ELAPOR1: variants seen among roughly 807,000 people sequenced by gnomAD.
ELAPOR1 encodes endosome-lysosome associated apoptosis and autophagy regulator 1, also known as endosome/lysosome-associated apoptosis and autophagy regulator 1.
ELAPOR1 carries 77 observed loss-of-function variants against 119.7 expected under a neutral mutation model. The ratio of observed to expected loss-of-function variants is 0.64; its 90% CI spans 0.54 to 0.78. ELAPOR1 has a LOEUF of 0.78. Ranked by LOEUF, ELAPOR1 falls within the 30% of genes least tolerant of loss-of-function variation. The pLI, the probability that ELAPOR1 is intolerant of heterozygous loss-of-function variation, is 0.00. For synonymous variants in ELAPOR1, 481 were observed against 487.2 expected (o/e 0.99, Z 0.17); for missense variants, 1,115 against 1,270.4 (o/e 0.88, Z 1.86).
chr1:109,138,672 A>G (rs752419910), intron 1 of ELAPOR1, among the ~76,000 whole-genome samples: 2 of 151,716 alleles, frequency 1.3e-5, no homozygotes, highest in African/African-American at 4.8e-5. Context: ...GAGAAACCCA[A>G]TGACGGTGTC....
intron 7 of ELAPOR1, among the ~76,000 whole-genome samples, chr1:109,176,520 A>G (rs1652293568): frequency 6.6e-6 from 1 of 152,052 alleles, no homozygotes; most frequent in Non-Finnish European, 1.5e-5. Flanking sequence ...GACCTTGTGA[A>G]TTGCTTGTTT....
intron 1 of ELAPOR1, among the ~76,000 whole-genome samples, chr1:109,131,634 G>A (rs1333418333): frequency 6.6e-6 from 1 of 152,126 alleles, no homozygotes; most frequent in Non-Finnish European, 1.5e-5. Flanking sequence ...GTTAGTGAGG[G>A]AAAGGGAATA....
At chr1:109,132,970 C>G (rs1328890406) in intron 1 of ELAPOR1, among the ~76,000 whole-genome samples, 1 of 152,158 alleles carries the variant, frequency 6.6e-6, no homozygotes, top group African/African-American at 2.4e-5. Context: ...TGGTTCATGC[C>G]TGTAATCCCA....
Position 109,200,173 on chromosome 1 carries a change from G to A in ELAPOR1, c.2743G>A (p.Ala915Thr). 6.2e-7 allele frequency: 1 copy of A among 1,614,212 alleles called. No homozygotes were observed. The highest frequency in any genetic ancestry group is 8.5e-7 in the Non-Finnish European group (1 of 1,180,036). The change falls in exon 20 of 22, where the codon GCA becomes ACA. Residue 915 changes from alanine to threonine, a missense_variant. Physicochemically the swap from Ala to Thr is moderately conservative, Grantham distance 58. Coordinates refer to ENST00000369939, the MANE Select transcript of ELAPOR1 (RefSeq NM_020775.5). ...IDFWLKVGIS[A>T]GTCTAILLTV... Reference sequence around the variant, plus strand: ...TTTCTGGCTGAAAGTGGGCATCTCTGCAGGCACCTGTACTGCCATCCTGCT... The same window carrying A: ...TTTCTGGCTGAAAGTGGGCATCTCTACAGGCACCTGTACTGCCATCCTGCT...
At chr1:109,157,564 A>T (rs1302817150) in intron 1 of ELAPOR1, among the ~76,000 whole-genome samples, 4 of 152,154 alleles carry the variant, frequency 2.6e-5, no homozygotes, top group African/African-American at 9.7e-5. Context: ...AACCTTATGA[A>T]TAGCCTGCAT....
At chr1:109,183,110 A>G (rs968734872) in intron 7 of ELAPOR1, among the ~76,000 whole-genome samples, 7 of 152,170 alleles carry the variant, frequency 4.6e-5, no homozygotes, top group African/African-American at 1.7e-4. Flanking sequence ...TGAATTACGC[A>G]TATTTTTCTA....
intron 1 of ELAPOR1, among the ~76,000 whole-genome samples, chr1:109,141,284 T>C (rs1372997831): frequency 6.6e-6 from 1 of 151,992 alleles, no homozygotes; most frequent in Non-Finnish European, 1.5e-5. Flanking sequence ...TTTTTGAGAC[T>C]GTGTCTCACT....
chr1:109,158,528 G>A, intron 1 of ELAPOR1, among the ~76,000 whole-genome samples: 1 of 152,074 alleles, frequency 6.6e-6, no homozygotes, highest in East Asian at 1.9e-4. Flanking sequence ...GCTACGGAAG[G>A]ATGCGCTAAC....
intron 8 of ELAPOR1, chr1:109,186,516 T>C (rs1653053761): frequency 2.0e-6 from 2 of 985,258 alleles, no homozygotes; most frequent in Admixed American, 1.2e-4. Context: ...TTTTGCACAG[T>C]CATCTCTTAC....
chr1:109,176,588 G>A (rs929391195), intron 7 of ELAPOR1, among the ~76,000 whole-genome samples: 4 of 149,912 alleles, frequency 2.7e-5, no homozygotes, highest in Non-Finnish European at 4.4e-5. Flanking sequence ...CCAAATGAGT[G>A]CAGTTTTCTT....
chr1:109,142,432 G>C (rs1381802028), intron 1 of ELAPOR1, among the ~76,000 whole-genome samples: 1 of 152,204 alleles, frequency 6.6e-6, no homozygotes, highest in Admixed American at 6.5e-5. Flanking sequence ...AGTGTTTGCT[G>C]AATTCCATGG....
At chr1:109,141,507 C>T (rs781242917) in intron 1 of ELAPOR1, among the ~76,000 whole-genome samples, 6 of 150,432 alleles carry the variant, frequency 4.0e-5, no homozygotes, top group Non-Finnish European at 8.9e-5. Flanking sequence ...GTGATCTGCC[C>T]GCCTCAGCCT....
At position 109,173,609 on chromosome 1, in the gene ELAPOR1, G is replaced by T. The variant is rs202058878; in HGVS notation, c.802+30G>T. ...TGAGAGCAGGGTTACTGACTTCCTG[G>T]GCTGTTGACTTTGCAGTCTCCTGGG... On this transcript the variant is annotated intron_variant, in intron 6 of 21. Transcript: ENST00000369939. The T allele has an allele frequency of 3.7e-6, 6 of 1,613,224 alleles. No homozygotes were observed. The Admixed American group carries it at 6.7e-5, about 18-fold the overall frequency.
At position 109,200,891 on chromosome 1, in the gene ELAPOR1, T is replaced by C. The variant is rs767217425; in HGVS notation, c.2964T>C (p.Phe988=). The change falls in exon 21 of 22, where the codon TTT becomes TTC. Residue 988 remains phenylalanine (F), a synonymous_variant. Transcript: ENST00000369939. ...CACTCTTTGGGAAGATCAAATCATT[T>C]ACCTCCAAGGTAGGGGTCCTGGCCA... The part of the protein sequence containing the change: ...KKSLFGKIKS[F]TSKRTPDGFD... 1.9e-6 allele frequency: 3 copies of C among 1,613,762 alleles called. No individual in the cohort carries two copies. The highest frequency in any genetic ancestry group is 2.2e-5 in the East Asian group (1 of 44,902).
chr1:109,176,606 C>CTTTTTTTTTT (rs1166255748), intron 7 of ELAPOR1, among the ~76,000 whole-genome samples: 43 of 127,696 alleles, frequency 3.4e-4, no homozygotes, highest in South Asian at 5.2e-4. Context: ...CTTTTTTTTT[C>CTTTTTTTTTT]TTTTTTTTTT....
rs1558029151 is a variant in ELAPOR1 at position 109,144,055 on chromosome 1, T to TATATA, written c.154-17839_154-17838insATATA. Among the ~76,000 whole-genome samples, 47 of 64,348 alleles carry TATATA rather than the reference T, an allele frequency of 7.3e-4. 3 individuals carry two copies. The highest frequency in any genetic ancestry group is 2.1e-3 in the African/African-American group (37 of 17,600). The allele number at this position is 64,348 out of a possible 152,430, so 42.2% of individuals were successfully genotyped here. A position where few individuals can be genotyped will look rare whatever the true frequency, so the allele number is the denominator to read the frequency against. Reference sequence around the variant, plus strand: ...AAATTATATATATATATATATATATTTATATATTTTTTTTTTTTTTTGAGA... The same window carrying TATATA: ...AAATTATATATATATATATATATATTATATATATATATTTTTTTTTTTTTTTGAGA... On this transcript the variant is annotated intron_variant, in intron 1 of 21. Coordinates refer to ENST00000369939, the MANE Select transcript of ELAPOR1 (RefSeq NM_020775.5).
chr1:109,192,518 TAGA>T (rs1265034357), intron 13 of ELAPOR1, 90 bp from the exon 14 acceptor site: 1 of 1,300,218 alleles, frequency 7.7e-7, no homozygotes, highest in Non-Finnish European at 1.1e-6. Context: ...TATCACAGGA[TAGA>T]AGATTAAGTA....
At chr1:109,180,134 T>G (rs899819243) in intron 7 of ELAPOR1, among the ~76,000 whole-genome samples, 2 of 152,206 alleles carry the variant, frequency 1.3e-5, no homozygotes, top group African/African-American at 2.4e-5. Flanking sequence ...ACTAAAAGCA[T>G]CTTTCTCACT....
At chr1:109,116,505 A>G (rs923786526) in intron 1 of ELAPOR1, among the ~76,000 whole-genome samples, 8 of 152,194 alleles carry the variant, frequency 5.3e-5, no homozygotes, top group Non-Finnish European at 1.2e-4. Context: ...TCCTGTTTAC[A>G]TTCTCCTTGA....
Sources: gnomAD v4.1 joint callset for allele counts (sites outside exome capture counted in the v4.1 genomes callset) on GRCh38, gnomAD v4.1.1 for gene constraint, MANE v1.5 for transcripts, NCBI Gene and HGNC (gene_info 2026-07-23, HGNC 2026-07-21) for gene names.